FOXO3: variants seen among roughly 807,000 people sequenced by gnomAD.
The protein encoded by FOXO3 is forkhead box O3.
FOXO3 carries 4 observed loss-of-function variants against 41.9 expected under a neutral mutation model. The ratio of observed to expected loss-of-function variants is 0.10; its 90% CI spans 0.05 to 0.22. The LOEUF (loss-of-function observed/expected upper bound fraction) is 0.22, where lower values mean the gene tolerates loss of function less well. FOXO3 is among the 10% of genes least tolerant of loss of function. The pLI is 1.00. For missense variants in FOXO3, 534 were observed against 906.8 expected (o/e 0.59, Z 5.28); for synonymous variants, 318 against 389.3 (o/e 0.82, Z 2.16).
intron 2 of FOXO3, among the ~76,000 whole-genome samples, chr6:108,678,559 T>G (rs1380839730): frequency 6.6e-6 from 1 of 152,006 alleles, no homozygotes; most frequent in South Asian, 2.1e-4. Flanking sequence ...CTGATAAGAC[T>G]TGTATAAATT....
At chr6:108,562,745 G>A (rs1775849565) in intron 1 of FOXO3, among the ~76,000 whole-genome samples, 1 of 152,176 alleles carries the variant, frequency 6.6e-6, no homozygotes, top group Non-Finnish European at 1.5e-5. Context: ...ATCCTCTTGG[G>A]GCACGGGACA....
At chr6:108,601,979 C>T (rs558100740) in intron 1 of FOXO3, among the ~76,000 whole-genome samples, 7 of 152,210 alleles carry the variant, frequency 4.6e-5, no homozygotes, top group East Asian at 1.9e-4. Context: ...TTTATGTGAA[C>T]GTAAATTTTC....
At chr6:108,678,732 A>T (rs1481399637) in intron 2 of FOXO3, among the ~76,000 whole-genome samples, 6 of 152,024 alleles carry the variant, frequency 3.9e-5, no homozygotes, top group African/African-American at 7.2e-5. Flanking sequence ...TTTGTAATAC[A>T]AAAATCAAAT....
rs1156923290 is a variant in FOXO3, at chr6:108,678,869, CTTTTTTTTT to C, written c.*35-944_*35-936del. ...ATAGCAAGACCCCATTTCTTAAATT[CTTTTTTTTT>C]TTTTTTTTTTTTTGAGACGGAGTCT... On this transcript the variant is annotated intron_variant, in intron 2 of 2. Transcript: ENST00000406360. Among the ~76,000 whole-genome samples, 135 of 55,018 alleles carry C rather than the reference CTTTTTTTTT, an allele frequency of 2.5e-3. 3 individuals carry two copies. The highest frequency in any genetic ancestry group is 0.037 in the Middle Eastern group (2 of 54). 36.1% of individuals were successfully genotyped at this position (55,018 alleles called of 152,430 possible). A position where few individuals can be genotyped will look rare whatever the true frequency, so the allele number is the denominator to read the frequency against.
intron 2 of FOXO3, among the ~76,000 whole-genome samples, chr6:108,670,103 A>T (rs1779175123): frequency 6.6e-6 from 1 of 152,140 alleles, no homozygotes; most frequent in Non-Finnish European, 1.5e-5. Flanking sequence ...GCTTTCTGGG[A>T]TCCGCTTTGC....
intron 2 of FOXO3, among the ~76,000 whole-genome samples, chr6:108,670,615 G>A (rs900460727): frequency 3.3e-5 from 5 of 152,098 alleles, no homozygotes; most frequent in Admixed American, 6.5e-5. Flanking sequence ...TTTAGGGTAG[G>A]ATATGTTATG....
At chr6:108,629,801 A>G (rs1303984728) in intron 1 of FOXO3, among the ~76,000 whole-genome samples, 5 of 152,176 alleles carry the variant, frequency 3.3e-5, no homozygotes, top group Non-Finnish European at 7.4e-5. Context: ...ATAATAAGCC[A>G]GTGAAATATT....
intron 2 of FOXO3, among the ~76,000 whole-genome samples, chr6:108,665,274 A>G (rs1779016130): frequency 1.3e-5 from 2 of 152,230 alleles, no homozygotes; most frequent in Admixed American, 1.3e-4. Context: ...CTTCAGGGTT[A>G]AGGATCCCAG....
intron 1 of FOXO3, among the ~76,000 whole-genome samples, chr6:108,589,379 C>T (rs747817032): frequency 6.6e-6 from 1 of 152,158 alleles, no homozygotes; most frequent in Non-Finnish European, 1.5e-5. Context: ...AAGCACAACC[C>T]GAATCTTTGT....
At chr6:108,634,408 C>T (rs973361905) in intron 1 of FOXO3, among the ~76,000 whole-genome samples, 1 of 152,000 alleles carries the variant, frequency 6.6e-6, no homozygotes. Flanking sequence ...GGATGATGAC[C>T]CCCTTCCCTG....
chr6:108,662,322 A>T (rs1162048200), intron 1 of FOXO3, among the ~76,000 whole-genome samples: 2 of 152,074 alleles, frequency 1.3e-5, no homozygotes, highest in African/African-American at 4.8e-5. Flanking sequence ...GTAGATATTG[A>T]CCCCGATCAC....
chr6:108,587,395 G>A (rs564443342), intron 1 of FOXO3, among the ~76,000 whole-genome samples: 1 of 152,310 alleles, frequency 6.6e-6, no homozygotes, highest in South Asian at 2.1e-4. Context: ...GGAGTAAGGT[G>A]GTTTCGTTGA....
chr6:108,619,335 C>G (rs1279877724), intron 1 of FOXO3, among the ~76,000 whole-genome samples: 1 of 152,186 alleles, frequency 6.6e-6, no homozygotes, highest in Non-Finnish European at 1.5e-5. Context: ...ATATGTTAGT[C>G]TTTGTTGGAA....
intron 1 of FOXO3, among the ~76,000 whole-genome samples, chr6:108,574,040 C>T (rs906738263): frequency 6.6e-6 from 1 of 151,362 alleles, no homozygotes; most frequent in African/African-American, 2.4e-5. Flanking sequence ...GTAATCCCAG[C>T]TACTCTGGAG....
intron 1 of FOXO3, among the ~76,000 whole-genome samples, chr6:108,619,516 T>C (rs537635079): frequency 6.6e-6 from 1 of 152,378 alleles, no homozygotes; most frequent in Non-Finnish European, 1.5e-5. Flanking sequence ...GTTGGATTCT[T>C]GGATTTATCT....
At chr6:108,653,831 C>T (rs925821106) in intron 1 of FOXO3, among the ~76,000 whole-genome samples, 1 of 152,138 alleles carries the variant, frequency 6.6e-6, no homozygotes, top group Non-Finnish European at 1.5e-5. Context: ...ATTTCTGTTC[C>T]ACTTCATGGC....
chr6:108,671,618 A>G (rs1779219346), intron 2 of FOXO3, among the ~76,000 whole-genome samples: 1 of 152,224 alleles, frequency 6.6e-6, no homozygotes, highest in South Asian at 2.1e-4. Flanking sequence ...ACACCTTTTT[A>G]AACATGTTAT....
chr6:108,646,145 A>G (rs1268302878), intron 1 of FOXO3, among the ~76,000 whole-genome samples: 1 of 152,186 alleles, frequency 6.6e-6, no homozygotes, highest in South Asian at 2.1e-4. Context: ...GGAGGCCAAA[A>G]GGAGGAAAAA....
intron 1 of FOXO3, among the ~76,000 whole-genome samples, chr6:108,662,577 G>A (rs1778901128): frequency 6.6e-6 from 1 of 152,216 alleles, no homozygotes; most frequent in Admixed American, 6.5e-5. Context: ...AAATCTGGCA[G>A]GATGAGATGG....
Sources: gnomAD v4.1 joint callset for allele counts (sites outside exome capture counted in the v4.1 genomes callset) on GRCh38, gnomAD v4.1.1 for gene constraint, MANE v1.5 for transcripts, NCBI Gene and HGNC (gene_info 2026-07-23, HGNC 2026-07-21) for gene names.